The following PKP1 variants were observed in gnomAD, a reference collection of about 807,000 sequenced individuals.
The protein encoded by PKP1 is plakophilin-1.
A neutral mutation model predicts 76.4 loss-of-function variants in PKP1; 27 were observed. The observed-to-expected ratio is 0.35, with a 90% CI of 0.26 to 0.49. The LOEUF (loss-of-function observed/expected upper bound fraction) is 0.49, where lower values mean the gene tolerates loss of function less well. PKP1 is among the 20% of genes least tolerant of loss of function. The pLI is 0.99. For synonymous variants in PKP1, 404 were observed against 384.2 expected (o/e 1.05, Z -0.60); for missense variants, 964 against 955.2 (o/e 1.01, Z -0.12).
At chr1:201,304,822 T>G (rs1395356027) in intron 2 of PKP1, among the ~76,000 whole-genome samples, 1 of 152,210 alleles carries the variant, frequency 6.6e-6, no homozygotes, top group Non-Finnish European at 1.5e-5. Flanking sequence ...AGTCCTGGCT[T>G]AGGGTCTGCC....
At chr1:201,298,752 C>G (rs1656141216) in intron 2 of PKP1, among the ~76,000 whole-genome samples, 1 of 152,224 alleles carries the variant, frequency 6.6e-6, no homozygotes, top group Admixed American at 6.5e-5. Flanking sequence ...GACTTACTAG[C>G]AAATCTTTCT....
chr1:201,297,598 C>T (rs1235819609), intron 2 of PKP1, among the ~76,000 whole-genome samples: 4 of 152,222 alleles, frequency 2.6e-5, no homozygotes, highest in Admixed American at 2.6e-4. Flanking sequence ...AGATCTCTGA[C>T]CTCGTAACTC....
At chr1:201,314,361 C>T (rs1381801505) in intron 3 of PKP1, among the ~76,000 whole-genome samples, 2 of 152,160 alleles carry the variant, frequency 1.3e-5, no homozygotes, top group African/African-American at 4.8e-5. Context: ...ACTCAGAAGG[C>T]TGAGGCAAGA....
At chr1:201,312,049 C>T (rs1196023240) in intron 2 of PKP1, among the ~76,000 whole-genome samples, 3 of 152,208 alleles carry the variant, frequency 2.0e-5, no homozygotes, top group South Asian at 2.1e-4. Flanking sequence ...CTCTGCCCAG[C>T]TTCTCCCCAT....
chr1:201,323,269 C>T, intron 9 of PKP1, 80 bp downstream of exon 9: 1 of 1,377,116 alleles, frequency 7.3e-7, no homozygotes, highest in African/African-American at 1.4e-5. Context: ...CCTTTTCCCC[C>T]CAGCCTGTCC....
Position 201,317,647 on chromosome 1 carries a change from G to C in PKP1, c.922G>C (p.Ala308Pro), listed in dbSNP as rs529199336. 19 of 1,614,020 alleles carry C rather than the reference G, an allele frequency of 1.2e-5. No homozygotes were observed. The African/African-American group carries it at 2.3e-4, about 19-fold the overall frequency. The change falls in exon 5 of 14, where the codon GCA becomes CCA. Residue 308 changes from alanine to proline, a missense_variant. Ala to Pro is a conservative substitution (Grantham distance 27). Transcript: ENST00000367324. ...SPNQNVQQAA[A>P]GALRNLVFRS... ...CAACCAGAACGTCCAGCAGGCCGCG[G>C]CAGGGGCCCTGCGCAACCTGGTGTT... is the stretch of plus-strand genomic sequence containing the variant.
rs1403090671 is a variant in PKP1 at position 201,324,282 on chromosome 1, G to A, written c.1681-146G>A. On this transcript the variant is annotated intron_variant, in intron 9 of 13. Transcript: ENST00000367324. The stretch of plus-strand genomic sequence containing the variant: ...GAGGTGCATGTTAGCCTAGGTTTCT[G>A]TAGTTGCCCACATGTGAGCTAGTGC... 7.6e-6 allele frequency: 6 copies of A among 790,170 alleles called. No homozygotes were observed. The Admixed American group carries it at 8.1e-5, about 11-fold the overall frequency. The allele number at this position is 790,170 out of a possible 1,614,324, so 48.9% of individuals were successfully genotyped here.
At position 201,283,552 on chromosome 1, in the gene PKP1, C is replaced by T; in HGVS notation, c.-151C>T. The T allele has an allele frequency of 1.4e-6, 1 of 722,818 alleles. No individual in the cohort carries two copies. Among genetic ancestry groups the T allele is most frequent in the South Asian group, 1.6e-5 (1 of 64,120 alleles). 44.8% of individuals were successfully genotyped at this position (722,818 alleles called of 1,614,324 possible). On this transcript the variant is annotated 5_prime_UTR_variant, in exon 1 of 14. Transcript: ENST00000367324. ...AGGGTGGAAGCGCCAGGAGCAGCTG[C>T]AGGGAGCCCTCACGCGGACCACGCA...
At chr1:201,324,724 C>G in intron 10 of PKP1, 143 bp downstream of exon 10, 1 of 1,155,098 alleles carries the variant, frequency 8.7e-7, no homozygotes, top group Non-Finnish European at 1.3e-6. Context: ...GGTATGGAGA[C>G]AGGAGAAGGG....
chr1:201,314,985 C>T (rs1334934293), intron 3 of PKP1, among the ~76,000 whole-genome samples: 1 of 152,262 alleles, frequency 6.6e-6, no homozygotes, highest in African/African-American at 2.4e-5. Context: ...ACAGCTGGCT[C>T]TCCATCCTGT....
At chr1:201,300,886 C>T (rs116036897) in intron 2 of PKP1, among the ~76,000 whole-genome samples, 1 of 152,120 alleles carries the variant, frequency 6.6e-6, no homozygotes, top group Non-Finnish European at 1.5e-5. Flanking sequence ...GAGGGCTGCC[C>T]TTAGCAGACA....
intron 1 of PKP1, among the ~76,000 whole-genome samples, chr1:201,289,693 CA>C (rs1655855505): frequency 1.8e-5 from 1 of 56,016 alleles, no homozygotes; most frequent in African/African-American, 1.6e-4. Context: ...GGAGTGCACA[CA>C]CACACACACA....
At chr1:201,319,435 G>A (rs1656870816) in intron 6 of PKP1, among the ~76,000 whole-genome samples, 1 of 152,136 alleles carries the variant, frequency 6.6e-6, no homozygotes, top group Non-Finnish European at 1.5e-5. Context: ...GCTTTAATGG[G>A]ATTTGTCTTT....
rs764502250 is a variant in PKP1, at chr1:201,325,127, G to A, written c.2021G>A (p.Ser674Asn). ...LNNIINLCRS[S>N]ASPKAAEAAR... ...AACATCATCAACCTGTGCCGAAGCA[G>A]GTGGGCGGGGGGTTGCTCCCACGGG... The change falls in exon 11 of 14, where the codon AGT becomes AAT. Residue 674 changes from serine (S) to asparagine (N), a missense_variant and splice_region_variant. Coordinates refer to ENST00000367324, the MANE Select transcript of PKP1 (RefSeq NM_001005337.3). 2 of 1,613,468 alleles carry A rather than the reference G, an allele frequency of 1.2e-6. No individual in the cohort carries two copies. The highest frequency in any genetic ancestry group is 1.1e-5 in the South Asian group (1 of 91,038).
chr1:201,320,257 T>C lies in PKP1; in HGVS notation c.1233-10T>C, dbSNP rs1430683160. ...TTCTCTGCCCTCTTCCACCCTCTTCTCTCCCCCAGGAACCTGAGCTCGGCC... is the reference window on the plus strand; with the variant it reads ...TTCTCTGCCCTCTTCCACCCTCTTCCCTCCCCCAGGAACCTGAGCTCGGCC... On this transcript the variant is annotated splice_polypyrimidine_tract_variant and intron_variant, in intron 6 of 13. Transcript: ENST00000367324. 6.3e-7 allele frequency: 1 copy of C among 1,590,202 alleles called. No homozygotes were observed. The highest frequency in any genetic ancestry group is 1.1e-5 in the South Asian group (1 of 90,544).
intron 2 of PKP1, among the ~76,000 whole-genome samples, chr1:201,309,676 C>T (rs1041984259): frequency 1.3e-5 from 2 of 152,230 alleles, no homozygotes; most frequent in Non-Finnish European, 2.9e-5. Context: ...GCTCTCCCAC[C>T]TGCAGCGGGC....
chr1:201,322,162 T>A, intron 8 of PKP1, 29 bp downstream of exon 8: 1 of 1,604,340 alleles, frequency 6.2e-7, no homozygotes, highest in Non-Finnish European at 8.5e-7. Context: ...GGGCGGGGCC[T>A]GCCCCATCAA....
rs1438758992 is a variant in PKP1, at chr1:201,322,136, G to A, written c.1503+3G>A. The A allele has an allele frequency of 6.2e-7, 1 of 1,610,356 alleles. No individual in the cohort carries two copies. Among genetic ancestry groups the A allele is most frequent in the East Asian group, 2.2e-5 (1 of 44,846 alleles). ...GCAACAAGAGCGACAAGATGATGGTGAGCACAGCATCAGCAGGGCGGGGCC... is the reference window on the plus strand; with the variant it reads ...GCAACAAGAGCGACAAGATGATGGTAAGCACAGCATCAGCAGGGCGGGGCC... On this transcript the variant is annotated splice_donor_region_variant and intron_variant, in intron 8 of 13. Coordinates refer to ENST00000367324, the MANE Select transcript of PKP1 (RefSeq NM_001005337.3).
rs116479443 is a variant in PKP1 at position 201,300,563 on chromosome 1, C to T, written c.306+6518C>T. ...AGAGAATGTGGAGAAAAGGAACAAA[C>T]ATTGGTCTGAGGGCTGGTTTCCCGT... is the stretch of plus-strand genomic sequence containing the variant. On this transcript the variant is annotated intron_variant, in intron 2 of 13. Transcript: ENST00000367324. Among the ~76,000 whole-genome samples the T allele has an allele frequency of 5.0e-3, 766 of 152,322 alleles. 7 individuals carry two copies. Among genetic ancestry groups the T allele is most frequent in the African/African-American group, 0.017 (709 of 41,570 alleles).
Sources: allele counts gnomAD v4.1 joint callset (sites outside exome capture counted in the v4.1 genomes callset), GRCh38; gene constraint gnomAD v4.1.1; transcripts MANE v1.5; gene names NCBI Gene and HGNC (gene_info 2026-07-23, HGNC 2026-07-21).